The following BANK1 variants were observed in gnomAD, a reference collection of about 807,000 sequenced individuals.
The protein encoded by BANK1 is B-cell scaffold protein with ankyrin repeats.
Under a neutral mutation model 94.5 loss-of-function variants are expected in BANK1, and 95 were observed. The ratio of observed to expected loss-of-function variants is 1.00; its 90% CI spans 0.85 to 1.19. The LOEUF is 1.19. Ranked by LOEUF, BANK1 falls within the 50% of genes most tolerant of loss-of-function variation. The pLI, the probability that BANK1 is intolerant of heterozygous loss-of-function variation, is 0.00. For synonymous variants in BANK1, 334 were observed against 308.4 expected (o/e 1.08, Z -0.87); for missense variants, 987 against 932.2 (o/e 1.06, Z -0.77).
At chr4:101,943,371 A>G (rs974820348) in intron 7 of BANK1, among the ~76,000 whole-genome samples, 1 of 151,934 alleles carries the variant, frequency 6.6e-6, no homozygotes, top group Non-Finnish European at 1.5e-5. Flanking sequence ...GAGATCCATT[A>G]GATGACTGCT....
chr4:102,022,076 A>G (rs989310046), intron 8 of BANK1, among the ~76,000 whole-genome samples: 6 of 152,180 alleles, frequency 3.9e-5, no homozygotes, highest in East Asian at 1.9e-4. Flanking sequence ...ATATAAATGT[A>G]TATATATACA....
chr4:101,793,426 G>A (rs192041594), intron 1 of BANK1, among the ~76,000 whole-genome samples: 2 of 152,268 alleles, frequency 1.3e-5, no homozygotes, highest in Admixed American at 1.3e-4. Context: ...TTAAAGACAA[G>A]GAGTGCTTTC....
At chr4:102,066,700 TATC>T (rs1384927821) in intron 13 of BANK1, among the ~76,000 whole-genome samples, 3 of 152,118 alleles carry the variant, frequency 2.0e-5, no homozygotes, top group African/African-American at 7.2e-5. Flanking sequence ...TGCTTAAAAA[TATC>T]ATACAAGGTG....
intron 7 of BANK1, among the ~76,000 whole-genome samples, chr4:101,964,951 T>G (rs1461126948): frequency 7.7e-6 from 1 of 129,386 alleles, no homozygotes; most frequent in African/African-American, 2.9e-5. Flanking sequence ...GAGTGTGATG[T>G]TCCCCTTCCT....
At chr4:102,025,545 A>G (rs1727062392) in intron 9 of BANK1, 36 bp downstream of exon 9, 18 of 1,585,816 alleles carry the variant, frequency 1.1e-5, no homozygotes, top group Non-Finnish European at 1.5e-5. Flanking sequence ...AAACAAAACA[A>G]AGACAAATCT....
chr4:101,889,880 T>C (rs1439534357), intron 5 of BANK1, among the ~76,000 whole-genome samples: 5 of 152,150 alleles, frequency 3.3e-5, no homozygotes, highest in Non-Finnish European at 7.3e-5. Flanking sequence ...TCATTCAGTT[T>C]AATGTATTTT....
In BANK1 at chr4:101,967,708, A is replaced by G. The variant is rs555852916; in HGVS notation, c.1206+49519A>G. 1.4e-4 allele frequency among the ~76,000 whole-genome samples: 22 copies of G among 152,164 alleles called. No homozygotes were observed. In the South Asian group the frequency reaches 4.1e-3, roughly 29 times the overall value. On this transcript the variant is annotated intron_variant, in intron 7 of 16. Transcript: ENST00000322953. ...CAGACTTTGTGAATTCCACTCTTAC[A>G]TGCTTCTTCTTTTGGATTAAACCTT...
At chr4:101,916,320 C>T (rs1435328142) in intron 6 of BANK1, among the ~76,000 whole-genome samples, 1 of 151,820 alleles carries the variant, frequency 6.6e-6, no homozygotes, top group Non-Finnish European at 1.5e-5. Flanking sequence ...TTGTTTTGCC[C>T]CAAAGTAGCC....
At chr4:101,995,743 C>A (rs1269040704) in intron 7 of BANK1, among the ~76,000 whole-genome samples, 1 of 152,058 alleles carries the variant, frequency 6.6e-6, no homozygotes, top group African/African-American at 2.4e-5. Flanking sequence ...TAAATGTCTT[C>A]CTTTGTGAAG....
At chr4:101,939,373 C>T (rs2148909352) in intron 7 of BANK1, among the ~76,000 whole-genome samples, 1 of 151,804 alleles carries the variant, frequency 6.6e-6, no homozygotes, top group East Asian at 2.0e-4. Context: ...GCAACAAACT[C>T]CAATGACTTA....
rs796537146 is a variant in BANK1, at chr4:101,987,498, C to G, written c.1207-34016C>G. The stretch of plus-strand genomic sequence containing the variant: ...CTTATTTTTCATATATTTTGATATA[C>G]TCATTTAAAGCATATAAATACTAAA... On this transcript the variant is annotated intron_variant, in intron 7 of 16. Transcript: ENST00000322953. 7.9e-5 allele frequency among the ~76,000 whole-genome samples: 12 copies of G among 152,216 alleles called. No homozygotes were observed. In the South Asian group the frequency reaches 2.1e-3, roughly 26 times the overall value.
At chr4:102,005,806 G>C (rs1726241985) in intron 7 of BANK1, among the ~76,000 whole-genome samples, 2 of 152,034 alleles carry the variant, frequency 1.3e-5, no homozygotes, top group South Asian at 4.1e-4. Context: ...CAAACTGAGG[G>C]ACAGATAATT....
At chr4:101,977,249 G>A (rs1392798947) in intron 7 of BANK1, 1 of 152,074 alleles carries the variant, frequency 6.6e-6, no homozygotes, top group African/African-American at 2.4e-5. Context: ...ATATTTCCAT[G>A]CTTCTTGCAG....
intron 7 of BANK1, among the ~76,000 whole-genome samples, chr4:101,927,623 T>G (rs1723208129): frequency 6.6e-6 from 1 of 151,602 alleles, no homozygotes; most frequent in Admixed American, 6.6e-5. Context: ...GCCATTGTTT[T>G]TTAGTATAGG....
intron 5 of BANK1, among the ~76,000 whole-genome samples, chr4:101,877,513 A>G (rs1374401313): frequency 6.6e-6 from 1 of 152,180 alleles, no homozygotes; most frequent in Non-Finnish European, 1.5e-5. Flanking sequence ...AATAGAAACA[A>G]CAAAAAGTTT....
At chr4:101,856,140 T>G (rs1385124133) in intron 3 of BANK1, among the ~76,000 whole-genome samples, 1 of 152,132 alleles carries the variant, frequency 6.6e-6, no homozygotes, top group African/African-American at 2.4e-5. Flanking sequence ...CTGGTACCAG[T>G]GGTCCTGATG....
chr4:101,954,557 T>C (rs538063557), intron 7 of BANK1, among the ~76,000 whole-genome samples: 4 of 152,054 alleles, frequency 2.6e-5, no homozygotes, highest in African/African-American at 9.6e-5. Flanking sequence ...GGTGATTGGA[T>C]TGATGAGGGA....
rs148883439 is a variant in BANK1, at chr4:101,921,179, A to T, written c.1206+2990A>T. ...TTTATGTTTTCAGTGCTATTACTGG[A>T]TAATAATATCATATATTTCTATAAT... On this transcript the variant is annotated intron_variant, in intron 7 of 16. Coordinates refer to ENST00000322953, the MANE Select transcript of BANK1 (RefSeq NM_017935.5). Among the ~76,000 whole-genome samples the T allele has an allele frequency of 1.7e-3, 265 of 152,086 alleles. 1 individual carries two copies. The highest frequency in any genetic ancestry group is 6.0e-3 in the African/African-American group (251 of 41,532).
At chr4:101,914,742 A>G (rs1722775393) in intron 6 of BANK1, among the ~76,000 whole-genome samples, 1 of 152,174 alleles carries the variant, frequency 6.6e-6, no homozygotes, top group African/African-American at 2.4e-5. Context: ...ACTGTAACTC[A>G]GGCCTGAATG....
Sources: gnomAD v4.1 joint callset for allele counts (sites outside exome capture counted in the v4.1 genomes callset) on GRCh38, gnomAD v4.1.1 for gene constraint, MANE v1.5 for transcripts, NCBI Gene and HGNC (gene_info 2026-07-23, HGNC 2026-07-21) for gene names.